The following CFAP299 variants were observed in gnomAD, a reference collection of about 807,000 sequenced individuals.
CFAP299 encodes cilia and flagella associated protein 299.
Under a neutral mutation model 27.0 loss-of-function variants are expected in CFAP299, and 21 were observed. The observed-to-expected ratio is 0.78, with a 90% CI of 0.55 to 1.12. The LOEUF is 1.12. Among genes scored for constraint, CFAP299 ranks in the 50% most tolerant of loss-of-function variants. The pLI is 0.00. For synonymous variants in CFAP299, 104 were observed against 98.1 expected (o/e 1.06, Z -0.36); for missense variants, 310 against 276.6 (o/e 1.12, Z -0.86).
chr4:80,859,986 G>C (rs972904727), intron 3 of CFAP299, among the ~76,000 whole-genome samples: 1 of 152,120 alleles, frequency 6.6e-6, no homozygotes, highest in Non-Finnish European at 1.5e-5. Context: ...AGTTCTCCTG[G>C]ATAATATCCT....
chr4:80,789,912 A>T (rs537979389), intron 3 of CFAP299, among the ~76,000 whole-genome samples: 1 of 152,046 alleles, frequency 6.6e-6, no homozygotes, highest in Non-Finnish European at 1.5e-5. Context: ...ATATGTCTTT[A>T]TATTCGACCA....
intron 3 of CFAP299, among the ~76,000 whole-genome samples, chr4:80,649,459 C>G (rs1293625004): frequency 1.3e-5 from 2 of 151,976 alleles, no homozygotes; most frequent in African/African-American, 2.4e-5. Context: ...GAAGCAGAGA[C>G]AGCAATACTG....
At chr4:80,387,759 G>A (rs1725096026) in intron 2 of CFAP299, 1 of 1,589,158 alleles carries the variant, frequency 6.3e-7, no homozygotes, top group Non-Finnish European at 8.6e-7. Flanking sequence ...GCAGGTCGAA[G>A]TTTTTGGTGA....
chr4:80,398,068 T>G (rs1578399679), intron 2 of CFAP299, among the ~76,000 whole-genome samples: 1 of 152,030 alleles, frequency 6.6e-6, no homozygotes, highest in South Asian at 2.1e-4. Context: ...GCCAAATCAT[T>G]TGTGAACTCC....
intron 2 of CFAP299, among the ~76,000 whole-genome samples, chr4:80,564,546 A>G (rs1287254949): frequency 6.6e-6 from 1 of 152,030 alleles, no homozygotes; most frequent in Non-Finnish European, 1.5e-5. Context: ...AATAAAAGCC[A>G]TGTATGAAGA....
intron 2 of CFAP299, among the ~76,000 whole-genome samples, chr4:80,490,801 T>C (rs1284518205): frequency 6.6e-6 from 1 of 152,166 alleles, no homozygotes; most frequent in East Asian, 1.9e-4. Context: ...TAAGCTATTA[T>C]AACAATTCAA....
chr4:80,761,621 G>GA (rs1725544460), intron 3 of CFAP299, among the ~76,000 whole-genome samples: 1 of 151,708 alleles, frequency 6.6e-6, no homozygotes, highest in Non-Finnish European at 1.5e-5. Flanking sequence ...ATATACATGG[G>GA]AAAAAAGCAA....
At chr4:80,330,898 C>T (rs942135324), upstream of CFAP299, among the ~76,000 whole-genome samples, 3 of 152,074 alleles carry the variant, frequency 2.0e-5, no homozygotes, top group East Asian at 1.9e-4. Context: ...CCAGGTACTA[C>T]GTTAGATGCT....
chr4:80,452,744 G>T (rs904091967), intron 2 of CFAP299, among the ~76,000 whole-genome samples: 1 of 152,070 alleles, frequency 6.6e-6, no homozygotes, highest in Admixed American at 6.6e-5. Context: ...AAATTGTGGG[G>T]GTAGATTATG....
intron 2 of CFAP299, among the ~76,000 whole-genome samples, chr4:80,548,634 G>T: frequency 6.6e-6 from 1 of 152,036 alleles, no homozygotes; most frequent in Non-Finnish European, 1.5e-5. Context: ...AGTATATTTT[G>T]GTCTTATTCC....
chr4:80,590,278 T>C (rs1352865597), intron 3 of CFAP299, among the ~76,000 whole-genome samples: 1 of 152,224 alleles, frequency 6.6e-6, no homozygotes, highest in East Asian at 1.9e-4. Flanking sequence ...GATTACTAAC[T>C]GTATTTAATA....
chr4:80,385,840 G>A (rs1456999248), intron 2 of CFAP299, among the ~76,000 whole-genome samples: 7 of 152,228 alleles, frequency 4.6e-5, no homozygotes, highest in Non-Finnish European at 1.0e-4. Context: ...CAGAGTGGGC[G>A]GAACTGCCCT....
chr4:80,938,130 G>T (rs139889771), intron 4 of CFAP299, among the ~76,000 whole-genome samples: 14 of 151,838 alleles, frequency 9.2e-5, no homozygotes, highest in African/African-American at 3.4e-4. Flanking sequence ...TTTTTCTTTA[G>T]ATTATACATT....
intron 4 of CFAP299, among the ~76,000 whole-genome samples, chr4:80,887,045 GA>G (rs201985477): frequency 6.6e-6 from 1 of 150,860 alleles, no homozygotes; most frequent in Non-Finnish European, 1.5e-5. Flanking sequence ...GGAGACAAAA[GA>G]AAAAAAATAA....
At chr4:80,345,744 T>C (rs1310529045) in intron 1 of CFAP299, among the ~76,000 whole-genome samples, 1 of 152,208 alleles carries the variant, frequency 6.6e-6, no homozygotes, top group Non-Finnish European at 1.5e-5. Context: ...TATGTGTGCA[T>C]GTGTCTTTAT....
intron 3 of CFAP299, among the ~76,000 whole-genome samples, chr4:80,794,957 G>A (rs562891112): frequency 6.6e-6 from 1 of 152,296 alleles, no homozygotes; most frequent in African/African-American, 2.4e-5. Flanking sequence ...ACCTTGGTGA[G>A]TGGAAGCCCA....
In CFAP299 at chr4:80,882,304, T is replaced by G. The variant is rs1405032753; in HGVS notation, c.476+12169T>G. Among the ~76,000 whole-genome samples the G allele has an allele frequency of 3.3e-5, 5 of 152,080 alleles. No homozygotes were observed. The East Asian group carries it at 9.6e-4, about 29-fold the overall frequency. On this transcript the variant is annotated intron_variant, in intron 4 of 5. Coordinates refer to ENST00000358105, the MANE Select transcript of CFAP299 (RefSeq NM_152770.3). ...TAAAGAAGTCTACATAAAGATACAT[T>G]GTAATCAAATTATAAAAGTCAAAGG...
rs185191067 is a variant in CFAP299 at position 80,839,471 on chromosome 4, T to G, written c.334-30522T>G. ...GGAAATTTCAAGAGACCGAAAGGTTTGGCAGGTTTGCTTCCCTCTCCCTCA... is the reference window on the plus strand; with the variant it reads ...GGAAATTTCAAGAGACCGAAAGGTTGGGCAGGTTTGCTTCCCTCTCCCTCA... On this transcript the variant is annotated intron_variant, in intron 3 of 5. Transcript: ENST00000358105. Among the ~76,000 whole-genome samples, 35 of 152,246 alleles carry G rather than the reference T, an allele frequency of 2.3e-4. 1 individual carries two copies. The highest frequency in any genetic ancestry group is 1.4e-3 in the Admixed American group (22 of 15,266).
At position 80,503,079 on chromosome 4, in the gene CFAP299, C is replaced by T. The variant is rs546846113; in HGVS notation, c.243-80014C>T. Among the ~76,000 whole-genome samples, 3 of 152,266 alleles carry T rather than the reference C, an allele frequency of 2.0e-5. No individual in the cohort carries two copies. In the East Asian group the frequency reaches 5.8e-4, roughly 29 times the overall value. On this transcript the variant is annotated intron_variant, in intron 2 of 5. Transcript: ENST00000358105. ...GGCAGAAGAGCAAGCAAGGTTCCTGCAGTCTGCCTAAACTGAACTTGTCAA... is the reference window on the plus strand; with the variant it reads ...GGCAGAAGAGCAAGCAAGGTTCCTGTAGTCTGCCTAAACTGAACTTGTCAA...
Sources: gnomAD v4.1 joint callset for allele counts (sites outside exome capture counted in the v4.1 genomes callset) on GRCh38, gnomAD v4.1.1 for gene constraint, MANE v1.5 for transcripts, NCBI Gene and HGNC (gene_info 2026-07-23, HGNC 2026-07-21) for gene names.